The following ETNK1 variants were observed in gnomAD, a reference collection of about 807,000 sequenced individuals.
ETNK1 encodes putative protein product of Nbla10396.
A neutral mutation model predicts 45.1 loss-of-function variants in ETNK1; 8 were observed. The ratio of observed to expected loss-of-function variants is 0.18; its 90% CI spans 0.10 to 0.32. The LOEUF (loss-of-function observed/expected upper bound fraction) is 0.32. Among genes scored for constraint, ETNK1 ranks in the 10% least tolerant of loss-of-function variants. ETNK1 has a pLI of 1.00. For synonymous variants in ETNK1, 152 were observed against 151.9 expected, an observed-to-expected ratio of 1.00 and a Z score of -0.01; for missense variants, 302 against 430.6, an observed-to-expected ratio of 0.70 and a Z score of 2.64.
chr12:22,657,135 C>T (rs12314263), intron 2 of ETNK1, among the ~76,000 whole-genome samples: 7,111 of 152,034 alleles, frequency 0.047, 539 homozygotes, highest in African/African-American at 0.16. Context: ...TAGCTTTCTG[C>T]CTATATATGA....
chr12:22,670,861 T>C lies in ETNK1; in HGVS notation c.701-411T>C, dbSNP rs1954100790. Among the ~76,000 whole-genome samples the C allele has an allele frequency of 3.3e-5, 5 of 152,244 alleles. No homozygotes were observed. The South Asian group carries it at 1.0e-3, about 32-fold the overall frequency. On this transcript the variant is annotated intron_variant, in intron 4 of 7. Transcript: ENST00000266517. ...TGTAGATAAGCTTGTCAGTTTACTG[T>C]TGGAGTATCATAAAGTTTTTGTTAA...
At chr12:22,632,274 A>G (rs148131781) in intron 1 of ETNK1, among the ~76,000 whole-genome samples, 3 of 152,194 alleles carry the variant, frequency 2.0e-5, no homozygotes, top group Non-Finnish European at 2.9e-5. Flanking sequence ...TCAATTTCCT[A>G]TCATCAATAT....
At chr12:22,679,461 C>G (rs572976596) in intron 6 of ETNK1, among the ~76,000 whole-genome samples, 1 of 152,236 alleles carries the variant, frequency 6.6e-6, no homozygotes, top group African/African-American at 2.4e-5. Context: ...GAGGGTGGGT[C>G]TTCCTCTCCC....
intron 1 of ETNK1, among the ~76,000 whole-genome samples, chr12:22,640,754 A>G (rs1180521006): frequency 6.6e-6 from 1 of 152,118 alleles, no homozygotes; most frequent in Non-Finnish European, 1.5e-5. Flanking sequence ...TGACTTGCCT[A>G]AGGTTACTCG....
chr12:22,651,682 CTTTTT>C (rs35611431), intron 2 of ETNK1, among the ~76,000 whole-genome samples: 4 of 131,040 alleles, frequency 3.1e-5, no homozygotes, highest in Non-Finnish European at 4.8e-5. Flanking sequence ...AATTCTATCC[CTTTTT>C]TTTTTTTTTT....
At chr12:22,647,511 A>G (rs1434889263) in intron 2 of ETNK1, among the ~76,000 whole-genome samples, 1 of 151,932 alleles carries the variant, frequency 6.6e-6, no homozygotes, top group African/African-American at 2.4e-5. Context: ...ACCTCAACAC[A>G]AAGGAGAATT....
At chr12:22,682,299 A>G in intron 6 of ETNK1, 1 of 495,666 alleles carries the variant, frequency 2.0e-6, no homozygotes, top group South Asian at 1.5e-5. Flanking sequence ...CTTGAATTTT[A>G]TCATTGGCAA....
intron 7 of ETNK1, 46 bp from the exon 8 acceptor site, chr12:22,684,836 T>G (rs776092639): frequency 6.7e-7 from 1 of 1,486,722 alleles, no homozygotes; most frequent in South Asian, 1.2e-5. Context: ...AAGGACCAAG[T>G]TTTTCAGCTT....
In ETNK1 at chr12:22,643,874, C is replaced by T. The variant is rs781202115; in HGVS notation, c.268C>T (p.Arg90Ter). 4 of 1,613,230 alleles carry T rather than the reference C, an allele frequency of 2.5e-6. No homozygotes were observed. The highest frequency in any genetic ancestry group is 1.3e-5 in the African/African-American group (1 of 74,804). ...YGNKTELLVD[R>*]DEEVKSFRVL... ...CAATAAGACTGAGTTATTAGTCGATCGAGATGAGGAAGTAAAGAGTTTTCG... is the reference window on the plus strand; with the variant it reads ...CAATAAGACTGAGTTATTAGTCGATTGAGATGAGGAAGTAAAGAGTTTTCG... The change falls in exon 2 of 8, where the codon CGA becomes TGA. Residue 90 changes from arginine (R) to a stop codon, truncating the protein, a stop_gained. Transcript: ENST00000266517. LOFTEE classifies it high-confidence loss of function.
chr12:22,632,102 A>C (rs2137516656), intron 1 of ETNK1, among the ~76,000 whole-genome samples: 1 of 152,162 alleles, frequency 6.6e-6, no homozygotes, highest in South Asian at 2.1e-4. Context: ...TAATTAACAA[A>C]ATAGAATGTT....
chr12:22,625,775 C>A, intron 1 of ETNK1, 189 bp downstream of exon 1: 2 of 863,670 alleles, frequency 2.3e-6, no homozygotes, highest in Non-Finnish European at 3.8e-6. Flanking sequence ...GTCGCAGTTG[C>A]TCTTTGAGAT....
rs1021435998 is a variant in ETNK1 at position 22,684,864 on chromosome 12, G to A, written c.1020-18G>A. ...TTCAGCTTTGACTAATTTTTTTGTT[G>A]TTCTCTTTTCTCACTAGGTATGCAA... On this transcript the variant is annotated intron_variant, in intron 7 of 7. Coordinates refer to ENST00000266517, the MANE Select transcript of ETNK1 (RefSeq NM_018638.5). 1.3e-6 allele frequency: 2 copies of A among 1,586,134 alleles called. No homozygotes were observed. Among genetic ancestry groups the A allele is most frequent in the African/African-American group, 1.4e-5 (1 of 73,330 alleles).
intron 2 of ETNK1, among the ~76,000 whole-genome samples, chr12:22,657,121 G>GGCTTA (rs1326681015): frequency 6.6e-6 from 1 of 151,974 alleles, no homozygotes; most frequent in Non-Finnish European, 1.5e-5. Context: ...AGTTCATTTG[G>GGCTTA]GCTTAGCTTT....
intron 1 of ETNK1, among the ~76,000 whole-genome samples, chr12:22,639,759 G>A (rs11046510): frequency 0.052 from 7,949 of 152,088 alleles, 663 homozygotes; most frequent in African/African-American, 0.18. Context: ...CACATCAGAA[G>A]GTATAACATG....
At chr12:22,633,759 G>A (rs7954993) in intron 1 of ETNK1, among the ~76,000 whole-genome samples, 1 of 151,902 alleles carries the variant, frequency 6.6e-6, no homozygotes, top group African/African-American at 2.4e-5. Flanking sequence ...AGGTGTTGAC[G>A]CTTTTTGATA....
chr12:22,631,177 CTTT>C (rs57393625), intron 1 of ETNK1, among the ~76,000 whole-genome samples: 2 of 141,396 alleles, frequency 1.4e-5, no homozygotes, highest in African/African-American at 2.6e-5. Context: ...GGTAAGTACT[CTTT>C]TTTTTTTTTT....
chr12:22,659,509 G>A (rs968129499), intron 3 of ETNK1, among the ~76,000 whole-genome samples: 3 of 152,148 alleles, frequency 2.0e-5, no homozygotes, highest in African/African-American at 7.2e-5. Flanking sequence ...TAGAATAAGA[G>A]CACAAGAGCC....
At chr12:22,673,807 A>C in intron 6 of ETNK1, 147 bp downstream of exon 6, 1 of 792,280 alleles carries the variant, frequency 1.3e-6, no homozygotes, top group Non-Finnish European at 1.9e-6. Context: ...TACAGTATGC[A>C]TTACCCCATT....
intron 3 of ETNK1, among the ~76,000 whole-genome samples, chr12:22,659,474 G>T (rs1343585872): frequency 9.9e-5 from 15 of 152,144 alleles, no homozygotes; most frequent in Non-Finnish European, 2.9e-5. Flanking sequence ...ATACTGCAGG[G>T]TTGAGAGGCA....
Sources: gnomAD v4.1 joint callset for allele counts (sites outside exome capture counted in the v4.1 genomes callset) on GRCh38, gnomAD v4.1.1 for gene constraint, MANE v1.5 for transcripts, NCBI Gene and HGNC (gene_info 2026-07-23, HGNC 2026-07-21) for gene names.